The following PKN2 variants were observed in gnomAD, a reference collection of about 807,000 sequenced individuals.
PKN2 encodes the protein protein kinase N2, also known as serine/threonine-protein kinase N2.
PKN2 carries 38 observed loss-of-function variants against 119.1 expected under a neutral mutation model. The ratio of observed to expected loss-of-function variants is 0.32; its 90% CI spans 0.25 to 0.42. PKN2 has a LOEUF of 0.42. Ranked by LOEUF, PKN2 falls within the 10% of genes least tolerant of loss-of-function variation. The pLI, the probability that PKN2 is intolerant of heterozygous loss-of-function variation, is 1.00. For missense variants in PKN2, 850 were observed against 1,165.1 expected, an observed-to-expected ratio of 0.73 and a Z score of 3.94; for synonymous variants, 390 against 384.9, an observed-to-expected ratio of 1.01 and a Z score of -0.15.
intron 2 of PKN2, among the ~76,000 whole-genome samples, chr1:88,752,001 T>C (rs1483561259): frequency 6.6e-6 from 1 of 152,114 alleles, no homozygotes; most frequent in African/African-American, 2.4e-5. Flanking sequence ...GGACTTGGAG[T>C]ATAATGGCGT....
At chr1:88,785,686 A>C (rs962972554) in intron 7 of PKN2, among the ~76,000 whole-genome samples, 3 of 152,222 alleles carry the variant, frequency 2.0e-5, no homozygotes, top group Non-Finnish European at 4.4e-5. Flanking sequence ...AGAATACAAA[A>C]GTGAATTTGC....
intron 1 of PKN2, among the ~76,000 whole-genome samples, chr1:88,716,505 A>G (rs1460228064): frequency 6.6e-6 from 1 of 152,176 alleles, no homozygotes; most frequent in Non-Finnish European, 1.5e-5. Flanking sequence ...TATTTAAGAT[A>G]GTTAGCTCTT....
At chr1:88,820,122 C>G (rs1257103097) in intron 16 of PKN2, among the ~76,000 whole-genome samples, 1 of 143,314 alleles carries the variant, frequency 7.0e-6, no homozygotes, top group East Asian at 2.0e-4. Flanking sequence ...GCACATGTAT[C>G]CCAGAACTTA....
Position 88,820,233 on chromosome 1 carries a change from T to A in PKN2, c.2280-1708T>A, listed in dbSNP as rs944129387. Among the ~76,000 whole-genome samples, 178 of 52,578 alleles carry A rather than the reference T, an allele frequency of 3.4e-3. 1 individual carries two copies. Among genetic ancestry groups the A allele is most frequent in the East Asian group, 7.2e-3 (17 of 2,368 alleles). 34.5% of individuals were successfully genotyped at this position (52,578 alleles called of 152,430 possible). The stretch of plus-strand genomic sequence containing the variant: ...ATATATATATATATATATATATATA[T>A]AAATAGAAAAAAATAAAAATGCGAG... On this transcript the variant is annotated intron_variant, in intron 16 of 21. Coordinates refer to ENST00000370521, the MANE Select transcript of PKN2 (RefSeq NM_006256.4).
chr1:88,809,298 T>TAAAGCAAGTCTTTGATCCCACC (rs879731709), intron 15 of PKN2, among the ~76,000 whole-genome samples: 2 of 152,184 alleles, frequency 1.3e-5, no homozygotes, highest in Non-Finnish European at 2.9e-5. Flanking sequence ...AGCAGATAAT[T>TAAAGCAAGTCTTTGATCCCACC]AAAGCAAGTC....
intron 1 of PKN2, among the ~76,000 whole-genome samples, chr1:88,703,759 T>G (rs955587593): frequency 6.6e-6 from 1 of 152,134 alleles, no homozygotes; most frequent in African/African-American, 2.4e-5. Flanking sequence ...TGGGAATATA[T>G]CAGTTTAGCT....
intron 1 of PKN2, among the ~76,000 whole-genome samples, chr1:88,712,499 A>G (rs1667274104): frequency 6.6e-6 from 1 of 152,102 alleles, no homozygotes; most frequent in Admixed American, 6.6e-5. Flanking sequence ...TGTACTTTCA[A>G]TTATGATTTT....
chr1:88,784,701 A>G lies in PKN2; in HGVS notation c.1048A>G (p.Lys350Glu). 6.2e-7 allele frequency: 1 copy of G among 1,612,538 alleles called. No homozygotes were observed. The highest frequency in any genetic ancestry group is 8.5e-7 in the Non-Finnish European group (1 of 1,179,122). The change falls in exon 7 of 22, where the codon AAA (lysine) becomes GAA (glutamate). Residue 350 changes from lysine to glutamate, a missense_variant. Around this residue, in one of 9 missense-constraint regions of PKN2, gnomAD observed 350 missense variants for 511.1 expected, o/e 0.68. Transcript: ENST00000370521. ...CCTAGAGAATGTCCCTGGACGGTCA[A>G]AAGCAACATCAGTTGCACTGCCTGG... is the stretch of plus-strand genomic sequence containing the variant. The part of the protein sequence containing the change: ...DILENVPGRS[K>E]ATSVALPGWS...
Position 88,684,457 on chromosome 1 carries a change from A to C in PKN2, c.-124A>C. ...TCCAGCAGGGGCTGCGCCTCCATGA[A>C]TCCCTAGTTGTTTTTTTTTTTTTCT... On this transcript the variant is annotated 5_prime_UTR_variant, in exon 1 of 22. Coordinates refer to ENST00000370521, the MANE Select transcript of PKN2 (RefSeq NM_006256.4). The C allele has an allele frequency of 2.4e-6, 2 of 818,826 alleles. No individual in the cohort carries two copies. Among genetic ancestry groups the C allele is most frequent in the Non-Finnish European group, 1.8e-6 (1 of 545,720 alleles). The allele number at this position is 818,826 out of a possible 1,614,324, so 50.7% of individuals were successfully genotyped here. A position where few individuals can be genotyped will look rare whatever the true frequency, so the allele number is the denominator to read the frequency against.
chr1:88,706,091 A>G (rs6657967), intron 1 of PKN2, among the ~76,000 whole-genome samples: 17,063 of 152,134 alleles, frequency 0.11, 1,966 homozygotes, highest in African/African-American at 0.3. Flanking sequence ...ACTGACTTCC[A>G]AACAATATTA....
chr1:88,759,856 A>G (rs1014108100), intron 2 of PKN2, among the ~76,000 whole-genome samples: 1 of 152,204 alleles, frequency 6.6e-6, no homozygotes, highest in South Asian at 2.1e-4. Flanking sequence ...AACAAGCTCC[A>G]AAATTGAATA....
At chr1:88,766,675 A>T (rs1434088711) in intron 3 of PKN2, among the ~76,000 whole-genome samples, 1 of 152,142 alleles carries the variant, frequency 6.6e-6, no homozygotes. Flanking sequence ...ACTTTCCCAA[A>T]ATTTGTATTA....
chr1:88,779,528 G>C (rs1350637892), intron 6 of PKN2, among the ~76,000 whole-genome samples: 2 of 150,870 alleles, frequency 1.3e-5, no homozygotes, highest in Non-Finnish European at 2.9e-5. Flanking sequence ...TACCACATGA[G>C]GACCTTCTTA....
chr1:88,731,703 A>G (rs1228606073), intron 1 of PKN2, among the ~76,000 whole-genome samples: 3 of 152,222 alleles, frequency 2.0e-5, no homozygotes, highest in Non-Finnish European at 4.4e-5. Flanking sequence ...CTATCAGGTC[A>G]GACTGTTTTA....
At chr1:88,782,622 A>T (rs1670392175) in intron 6 of PKN2, among the ~76,000 whole-genome samples, 1 of 148,040 alleles carries the variant, frequency 6.8e-6, no homozygotes, top group Non-Finnish European at 1.5e-5. Flanking sequence ...CATCCAGTGT[A>T]TTTTTTTTTT....
intron 1 of PKN2, among the ~76,000 whole-genome samples, chr1:88,717,613 T>C (rs1464616182): frequency 6.6e-6 from 1 of 151,928 alleles, no homozygotes; most frequent in Non-Finnish European, 1.5e-5. Context: ...ATGCGTCACG[T>C]AGTTCTCATG....
intron 8 of PKN2, among the ~76,000 whole-genome samples, chr1:88,792,248 T>C (rs1670871447): frequency 6.6e-6 from 1 of 151,950 alleles, no homozygotes; most frequent in Non-Finnish European, 1.5e-5. Flanking sequence ...CTACTAAAAA[T>C]ACAAAATTAG....
chr1:88,778,477 G>A (rs374277919), intron 6 of PKN2, among the ~76,000 whole-genome samples: 7 of 152,226 alleles, frequency 4.6e-5, no homozygotes, highest in Non-Finnish European at 8.8e-5. Flanking sequence ...GATCTCTTCC[G>A]AGGATGCCTC....
intron 16 of PKN2, chr1:88,816,631 G>A (rs974928900): frequency 6.6e-6 from 1 of 152,148 alleles, no homozygotes; most frequent in Non-Finnish European, 1.5e-5. Flanking sequence ...AATTTTTAAT[G>A]TATAATTAAG....
Sources: allele counts gnomAD v4.1 joint callset (sites outside exome capture counted in the v4.1 genomes callset), GRCh38; gene constraint gnomAD v4.1.1; regional missense constraint gnomAD v4.1.1; transcripts MANE v1.5; gene names NCBI Gene and HGNC (gene_info 2026-07-23, HGNC 2026-07-21).